VPS13C: variants seen among roughly 807,000 people sequenced by gnomAD.
The protein encoded by VPS13C is intermembrane lipid transfer protein VPS13C.
A neutral mutation model predicts 456.8 loss-of-function variants in VPS13C; 358 were observed. The observed-to-expected ratio is 0.78, with a 90% CI of 0.72 to 0.86. The LOEUF is 0.86. Ranked by LOEUF, VPS13C falls within the 40% of genes least tolerant of loss-of-function variation. The probability of loss-of-function intolerance (pLI) is 0.00; values close to 1 mark genes in which losing one functional copy is unlikely to be tolerated. For synonymous variants in VPS13C, 1,578 were observed against 1,486.7 expected (o/e 1.06, Z -1.41); for missense variants, 4,818 against 4,385.4 (o/e 1.10, Z -2.79).
In VPS13C at chr15:61,982,817, G is replaced by A. The variant is rs16944704; in HGVS notation, c.1915-244C>T. The stretch of plus-strand genomic sequence containing the variant: ...TAAGGTGTAAAGTATGTTCTACAGC[G>A]TCATATGGATGTAGCAGCAGACATT... On this transcript the variant is annotated intron_variant, in intron 20 of 84. Coordinates refer to ENST00000644861, the MANE Select transcript of VPS13C (RefSeq NM_020821.3). Among the ~76,000 whole-genome samples, 439 of 152,258 alleles carry A rather than the reference G, an allele frequency of 2.9e-3. 2 individuals are homozygous for A. Among genetic ancestry groups the A allele is most frequent in the African/African-American group, 9.9e-3 (413 of 41,564 alleles).
chr15:61,961,195 C>A (rs1206822784), intron 35 of VPS13C, among the ~76,000 whole-genome samples: 1 of 151,402 alleles, frequency 6.6e-6, no homozygotes, highest in Non-Finnish European at 1.5e-5. Flanking sequence ...TTGAGACCAG[C>A]CTGGCCAACA....
intron 67 of VPS13C, among the ~76,000 whole-genome samples, chr15:61,889,597 A>G (rs1199969724): frequency 1.3e-5 from 2 of 152,216 alleles, no homozygotes; most frequent in East Asian, 1.9e-4. Flanking sequence ...TTTTTCTTAT[A>G]CAGGTATAAA....
rs538160815 is a variant in VPS13C, at chr15:61,895,741, T to C, written c.9106-5341A>G. 1.2e-4 allele frequency among the ~76,000 whole-genome samples: 18 copies of C among 152,218 alleles called. 1 individual carries two copies. In the South Asian group the frequency reaches 3.7e-3, roughly 32 times the overall value. On this transcript the variant is annotated intron_variant, in intron 66 of 84. Transcript: ENST00000644861. ...ACTGCACATTCTCACTCATATGTGG[T>C]AGCTAAAAAACAGTTGGTCTCATAA...
chr15:62,017,779 G>C (rs199821867), intron 9 of VPS13C, among the ~76,000 whole-genome samples: 8,926 of 152,134 alleles, frequency 0.059, 320 homozygotes, highest in Non-Finnish European at 0.08. Flanking sequence ...GCTCTTTTTT[G>C]GTTCCATACG....
chr15:62,035,007 G>A lies in VPS13C; in HGVS notation c.233C>T (p.Ala78Val). The change falls in exon 4 of 85, where the codon GCA becomes GTA. Residue 78 changes from alanine to valine, a missense_variant. Physicochemically the swap from Ala to Val is moderately conservative, Grantham distance 64 (BLOSUM62 0). Around this residue, in one of 3 missense-constraint regions of VPS13C, gnomAD observed 4,552 missense variants for 4,130.6 expected, o/e 1.10. Transcript: ENST00000644861. Reference protein sequence around the residue: ...KIPWKNLYGEAVVATLEGLYL... With the variant: ...KIPWKNLYGEVVVATLEGLYL... ...TAATCCTTCCAGGGTCGCAACAACT[G>A]CTTCTCCATAAAGGTTCTTCCAAGG... 3 of 1,603,996 alleles carry A rather than the reference G, an allele frequency of 1.9e-6. No homozygotes were observed. Among genetic ancestry groups the A allele is most frequent in the Non-Finnish European group, 2.6e-6 (3 of 1,174,258 alleles).
At chr15:62,055,897 A>G (rs1185518767) in intron 1 of VPS13C, among the ~76,000 whole-genome samples, 1 of 152,182 alleles carries the variant, frequency 6.6e-6, no homozygotes, top group Non-Finnish European at 1.5e-5. Context: ...GAGCTGGACA[A>G]TTCGCTGCAG....
intron 8 of VPS13C, among the ~76,000 whole-genome samples, chr15:62,023,083 CTT>C (rs1374989846): frequency 3.3e-5 from 5 of 151,854 alleles, no homozygotes; most frequent in Non-Finnish European, 5.9e-5. Flanking sequence ...AGAATTAACT[CTT>C]TTGTCAGCAT....
At chr15:61,916,580 C>G (rs1052081388) in intron 60 of VPS13C, among the ~76,000 whole-genome samples, 3 of 151,970 alleles carry the variant, frequency 2.0e-5, no homozygotes, top group African/African-American at 7.3e-5. Context: ...TTATAAAATA[C>G]TCATATAAAT....
chr15:61,857,115 A>G (rs1893959190), intron 82 of VPS13C, among the ~76,000 whole-genome samples: 1 of 152,216 alleles, frequency 6.6e-6, no homozygotes, highest in Non-Finnish European at 1.5e-5. Flanking sequence ...TCTATTACAG[A>G]AAGCAAAATT....
Position 61,941,956 on chromosome 15 carries a change from G to C in VPS13C, c.5260C>G (p.Leu1754Val). The C allele has an allele frequency of 1.2e-6, 2 of 1,613,948 alleles. No homozygotes were observed. The highest frequency in any genetic ancestry group is 1.3e-5 in the African/African-American group (1 of 75,030). Residue 1754 changes from leucine to valine, a missense_variant, in exon 46 of 85, where the codon CTT (leucine) becomes GTT (valine). Around this residue, in one of 3 missense-constraint regions of VPS13C, gnomAD observed 4,552 missense variants for 4,130.6 expected, o/e 1.10. Coordinates refer to ENST00000644861, the MANE Select transcript of VPS13C (RefSeq NM_020821.3). ...GCTTTCAAATTAATATCCATCAAAAGGCGGAAACTCTTTTGAGCCAAGTCT... is the reference window on the plus strand; with the variant it reads ...GCTTTCAAATTAATATCCATCAAAACGCGGAAACTCTTTTGAGCCAAGTCT... ...MKDLAQKSFR[L>V]LMDINLKAPV... is the part of the protein sequence containing the mutation.
intron 14 of VPS13C, among the ~76,000 whole-genome samples, chr15:62,007,941 C>T (rs1157093782): frequency 6.6e-6 from 1 of 151,894 alleles, no homozygotes; most frequent in Non-Finnish European, 1.5e-5. Flanking sequence ...CCCATCTGTA[C>T]TAAAAATACA....
intron 22 of VPS13C, among the ~76,000 whole-genome samples, chr15:61,979,514 G>A (rs1015878374): frequency 6.6e-6 from 1 of 152,128 alleles, no homozygotes; most frequent in African/African-American, 2.4e-5. Context: ...AAAAATGTAT[G>A]GGAACAGTGC....
At chr15:61,944,865 T>C (rs1438350337) in intron 45 of VPS13C, among the ~76,000 whole-genome samples, 1 of 152,200 alleles carries the variant, frequency 6.6e-6, no homozygotes, top group Non-Finnish European at 1.5e-5. Context: ...AAAGTTTTGA[T>C]TGGCAGCCCC....
intron 15 of VPS13C, among the ~76,000 whole-genome samples, chr15:62,006,087 T>A (rs966174068): frequency 1.5e-5 from 2 of 136,412 alleles, no homozygotes; most frequent in African/African-American, 5.1e-5. Flanking sequence ...TGTTTTTTTT[T>A]AAAGAAATTC....
intron 6 of VPS13C, among the ~76,000 whole-genome samples, chr15:62,027,881 G>C (rs1596498828): frequency 6.6e-6 from 1 of 152,130 alleles, no homozygotes; most frequent in East Asian, 1.9e-4. Flanking sequence ...CACCTCCAGA[G>C]CTACAACAGA....
In VPS13C at chr15:61,962,795, T is replaced by C. The variant is rs374156398; in HGVS notation, c.3389A>G (p.Glu1130Gly). The C allele has an allele frequency of 2.5e-6, 4 of 1,608,132 alleles. No individual in the cohort carries two copies. The highest frequency in any genetic ancestry group is 3.4e-6 in the Non-Finnish European group (4 of 1,176,364). Residue 1130 changes from glutamate (E) to glycine (G), a missense_variant, in exon 33 of 85, where the codon GAA becomes GGA. By Grantham distance (98) the Glu-to-Gly change is moderately conservative. This residue lies in a region of VPS13C where 4,552 missense variants were observed against 4,130.6 expected (regional missense o/e 1.10). Transcript: ENST00000644861. ...SRKQSLFARL[E>G]NIIVTDVDPK... ...ATCAACATCTGTGACAATAATATTTTCTAGTCGGGCAAAAAGTGACTGCTT... is the reference window on the plus strand; with the variant it reads ...ATCAACATCTGTGACAATAATATTTCCTAGTCGGGCAAAAAGTGACTGCTT...
In VPS13C at chr15:61,908,972, T is replaced by C. The variant is rs949891214; in HGVS notation, c.8978+20A>G. The C allele has an allele frequency of 6.2e-6, 10 of 1,611,388 alleles. No individual in the cohort carries two copies. The East Asian group carries it at 6.7e-5, about 11-fold the overall frequency. ...TATGAACCAATAAAAGTATTTCCCA[T>C]TAACCCTTTTTTCTCATACCTCTGT... On this transcript the variant is annotated intron_variant, in intron 65 of 84. Transcript: ENST00000644861.
At chr15:62,008,876 G>T in intron 13 of VPS13C, 115 bp from the exon 14 acceptor site, 1 of 482,078 alleles carries the variant, frequency 2.1e-6, no homozygotes, top group Non-Finnish European at 3.4e-6. Context: ...AATGTTGCCT[G>T]GTAGTCCAAT....
intron 73 of VPS13C, among the ~76,000 whole-genome samples, chr15:61,879,862 T>C (rs1381950861): frequency 6.6e-6 from 1 of 152,074 alleles, no homozygotes; most frequent in Non-Finnish European, 1.5e-5. Flanking sequence ...AATAGATCAA[T>C]TTAAAATAAT....
Sources: gnomAD v4.1 joint callset for allele counts (sites outside exome capture counted in the v4.1 genomes callset) on GRCh38, gnomAD v4.1.1 for gene constraint, gnomAD v4.1.1 regional missense constraint, MANE v1.5 for transcripts, NCBI Gene and HGNC (gene_info 2026-07-23, HGNC 2026-07-21) for gene names.